SPHKAP: variants seen among roughly 807,000 people sequenced by gnomAD.
SPHKAP encodes SPHK1 interactor, AKAP domain containing, also known as A-kinase anchor protein SPHKAP.
A neutral mutation model predicts 137.5 loss-of-function variants in SPHKAP; 67 were observed. That is an observed-to-expected ratio of 0.49 (90% CI 0.40 to 0.60). The LOEUF is 0.60. SPHKAP is among the 20% of genes least tolerant of loss of function. The pLI is 0.00. For synonymous variants in SPHKAP, 813 were observed against 785.3 expected, an observed-to-expected ratio of 1.04 and a Z score of -0.59; for missense variants, 2,097 against 2,069.3, an observed-to-expected ratio of 1.01 and a Z score of -0.26.
chr2:228,181,396 T>C lies in SPHKAP; in HGVS notation c.32+171A>G, dbSNP rs965292685. 2.6e-5 allele frequency among the ~76,000 whole-genome samples: 4 copies of C among 152,134 alleles called. No individual in the cohort carries two copies. The highest frequency in any genetic ancestry group is 3.9e-4 in the East Asian group (2 of 5,138). On this transcript the variant is annotated intron_variant, in intron 1 of 11. Transcript: ENST00000392056. This position sits in a 1 kb window ranked among gnomAD's most constrained non-coding sequence, Gnocchi z 4.3. ...CTGTGGGGCAGTTGACAGGGTCCCC[T>C]GTAGCTCCAGCGAGGCTGGGCCGGA...
At chr2:228,145,527 C>T (rs1314821742) in intron 1 of SPHKAP, among the ~76,000 whole-genome samples, 2 of 152,046 alleles carry the variant, frequency 1.3e-5, no homozygotes, top group Non-Finnish European at 2.9e-5. Context: ...TTTTGGCAGG[C>T]ATATTAGGAT....
At chr2:228,066,918 T>C (rs186593541) in intron 3 of SPHKAP, among the ~76,000 whole-genome samples, 1 of 152,368 alleles carries the variant, frequency 6.6e-6, no homozygotes, top group African/African-American at 2.4e-5. Context: ...TTTGATGTAC[T>C]GTTCAGTTTG....
intron 3 of SPHKAP, among the ~76,000 whole-genome samples, chr2:228,045,695 A>G (rs1406492157): frequency 2.6e-5 from 4 of 152,038 alleles, no homozygotes; most frequent in Non-Finnish European, 2.9e-5. Flanking sequence ...ACATATATAC[A>G]TATGTAACAA....
chr2:228,004,615 C>T (rs1694055611), intron 7 of SPHKAP, among the ~76,000 whole-genome samples: 2 of 152,266 alleles, frequency 1.3e-5, no homozygotes, highest in Admixed American at 6.5e-5. Flanking sequence ...CATGTGTTTG[C>T]TCTTGCTTCT....
intron 3 of SPHKAP, among the ~76,000 whole-genome samples, chr2:228,061,174 A>G (rs187248530): frequency 1.3e-5 from 2 of 152,368 alleles, no homozygotes; most frequent in East Asian, 3.9e-4. Flanking sequence ...TGTTGGTTCT[A>G]GACAAGTATA....
rs184573660 is a variant in SPHKAP, at chr2:228,032,505, C to A, written c.247-4962G>T. On this transcript the variant is annotated intron_variant, in intron 3 of 11. Transcript: ENST00000392056. ...TCCCCAATCTAGCAAGGCAGGCAAA[C>A]ATTCAGATCCAGGAAATACAGAGAA... 8.4e-3 allele frequency among the ~76,000 whole-genome samples: 1,286 copies of A among 152,264 alleles called. 17 individuals carry two copies. The highest frequency in any genetic ancestry group is 0.029 in the East Asian group (152 of 5,180).
chr2:228,077,083 C>G (rs758162513), intron 3 of SPHKAP, among the ~76,000 whole-genome samples: 54 of 152,148 alleles, frequency 3.5e-4, no homozygotes, highest in Non-Finnish European at 7.2e-4. Flanking sequence ...GCAGCTTCCA[C>G]ATGATGTTGA....
intron 1 of SPHKAP, among the ~76,000 whole-genome samples, chr2:228,140,467 ACTT>A (rs1343549410): frequency 1.3e-5 from 2 of 152,010 alleles, no homozygotes; most frequent in Non-Finnish European, 2.9e-5. Flanking sequence ...TCTTCATACT[ACTT>A]CTAACAGAAT....
chr2:228,113,371 T>C (rs764894739), intron 2 of SPHKAP, among the ~76,000 whole-genome samples: 3 of 151,974 alleles, frequency 2.0e-5, no homozygotes, highest in Non-Finnish European at 2.9e-5. Flanking sequence ...ATAGATAAGG[T>C]TCTTAAAACA....
chr2:228,063,174 A>ATCTATCTATCTATCTGTCTGTCTG (rs756046439), intron 3 of SPHKAP, among the ~76,000 whole-genome samples: 17 of 147,288 alleles, frequency 1.2e-4, no homozygotes, highest in African/African-American at 4.1e-4. Flanking sequence ...CTATCTATCT[A>ATCTATCTATCTATCTGTCTGTCTG]TCTGTCTGTC....
At chr2:228,096,076 A>G (rs1697972753) in intron 3 of SPHKAP, among the ~76,000 whole-genome samples, 1 of 152,224 alleles carries the variant, frequency 6.6e-6, no homozygotes, top group African/African-American at 2.4e-5. Flanking sequence ...GATTGAAAAC[A>G]TCAGCAAGAA....
rs1170049471 is a variant in SPHKAP, at chr2:228,084,026, C to T, written c.246+24806G>A. On this transcript the variant is annotated intron_variant, in intron 3 of 11. Coordinates refer to ENST00000392056, the MANE Select transcript of SPHKAP (RefSeq NM_001142644.2). ...TGACGGGTTGATATGGGCAGCAAAC[C>T]GCCATGGCACACGTATACCTATGTA... is the stretch of plus-strand genomic sequence containing the variant. Among the ~76,000 whole-genome samples, 6 of 151,556 alleles carry T rather than the reference C, an allele frequency of 4.0e-5. No individual in the cohort carries two copies. The East Asian group carries it at 7.8e-4, about 20-fold the overall frequency.
chr2:228,133,403 A>G (rs1434031461), intron 1 of SPHKAP, among the ~76,000 whole-genome samples: 3 of 152,158 alleles, frequency 2.0e-5, no homozygotes, highest in Non-Finnish European at 4.4e-5. Flanking sequence ...TCAAACTTTT[A>G]AAATAATATG....
intron 1 of SPHKAP, among the ~76,000 whole-genome samples, chr2:228,173,807 C>A (rs1700656641): frequency 6.6e-6 from 1 of 152,142 alleles, no homozygotes; most frequent in Non-Finnish European, 1.5e-5. Context: ...AATAGAAAAG[C>A]AATACGATGC....
chr2:228,048,017 C>T (rs572946514), intron 3 of SPHKAP, among the ~76,000 whole-genome samples: 2 of 152,136 alleles, frequency 1.3e-5, no homozygotes, highest in East Asian at 1.9e-4. Context: ...CTGTGCTTTC[C>T]GTTTTAAATA....
At chr2:228,135,799 A>T (rs1379366192) in intron 1 of SPHKAP, among the ~76,000 whole-genome samples, 1 of 152,208 alleles carries the variant, frequency 6.6e-6, no homozygotes, top group Non-Finnish European at 1.5e-5. Context: ...GCAAAAATTA[A>T]TGCATTACTA....
intron 3 of SPHKAP, among the ~76,000 whole-genome samples, chr2:228,082,951 A>G (rs1697410503): frequency 6.6e-6 from 1 of 152,152 alleles, no homozygotes; most frequent in Non-Finnish European, 1.5e-5. Context: ...CATTTAGTGC[A>G]CCACCCTCCA....
At position 228,017,942 on chromosome 2, in the gene SPHKAP, G is replaced by A. The variant is rs150085150; in HGVS notation, c.2912C>T (p.Thr971Ile). 3.3e-5 allele frequency: 54 copies of A among 1,613,996 alleles called. No homozygotes were observed. In the Middle Eastern group the frequency reaches 6.6e-4, roughly 20 times the overall value. The change falls in exon 7 of 12, where the codon ACA (threonine) becomes ATA (isoleucine). Residue 971 changes from threonine (T) to isoleucine (I), a missense_variant. Thr to Ile is a moderately conservative substitution (Grantham distance 89, BLOSUM62 -1). Coordinates refer to ENST00000392056, the MANE Select transcript of SPHKAP (RefSeq NM_001142644.2). ...AWKRGSEFLM[T>I]PNVPCRSLKR... ...CAAGGATCGGCAGGGTACGTTGGGTGTCATCAGAAACTCACTCCCTCTTTT... is the reference window on the plus strand; with the variant it reads ...CAAGGATCGGCAGGGTACGTTGGGTATCATCAGAAACTCACTCCCTCTTTT...
chr2:228,151,330 T>A (rs1294035350), intron 1 of SPHKAP, among the ~76,000 whole-genome samples: 6 of 151,656 alleles, frequency 4.0e-5, no homozygotes, highest in Non-Finnish European at 8.8e-5. Flanking sequence ...ATCCAGTCTA[T>A]CATTGTTGGA....
Sources: gnomAD v4.1 joint callset for allele counts (sites outside exome capture counted in the v4.1 genomes callset) on GRCh38, gnomAD v4.1.1 for gene constraint, Gnocchi (gnomAD v3.1) non-coding constraint, MANE v1.5 for transcripts, NCBI Gene and HGNC (gene_info 2026-07-23, HGNC 2026-07-21) for gene names.